The following MS4A10 variants were observed in gnomAD, a reference collection of about 807,000 sequenced individuals.
MS4A10 encodes the protein membrane spanning 4-domains A10, also known as membrane-spanning 4-domains subfamily A member 10.
MS4A10 carries 27 observed loss-of-function variants against 27.7 expected under a neutral mutation model. The ratio of observed to expected loss-of-function variants is 0.98; its 90% confidence interval spans 0.72 to 1.35. MS4A10 has a LOEUF of 1.35. MS4A10 is among the 40% of genes most tolerant of loss of function. The pLI, the probability that MS4A10 is intolerant of heterozygous loss-of-function variation, is 0.00. For synonymous variants in MS4A10, 139 were observed against 131.2 expected (o/e 1.06, Z -0.41); for missense variants, 338 against 324.7 (o/e 1.04, Z -0.32).
In MS4A10 at chr11:60,794,123, G is replaced by A. The variant is rs1301949700; in HGVS notation, c.492+20G>A. On this transcript the variant is annotated intron_variant, in intron 5 of 7. Coordinates refer to ENST00000308287, the MANE Select transcript of MS4A10 (RefSeq NM_206893.4). ...TCCACGGTGAGTACCCAGGCCTGGA[G>A]GGCCCTCTGACTTCAGCGAAGGTGC... The A allele has an allele frequency of 1.2e-6, 2 of 1,613,698 alleles. No homozygotes were observed. Among genetic ancestry groups the A allele is most frequent in the Admixed American group, 3.3e-5 (2 of 59,994 alleles).
chr11:60,791,399 A>C (rs1208688707), intron 3 of MS4A10, among the ~76,000 whole-genome samples: 2 of 152,192 alleles, frequency 1.3e-5, no homozygotes, highest in Non-Finnish European at 2.9e-5. Flanking sequence ...GGACAGCTTC[A>C]TTCTTCCCCA....
intron 1 of MS4A10, among the ~76,000 whole-genome samples, chr11:60,786,191 A>ACG (rs1319522826): frequency 0.022 from 3,148 of 140,648 alleles, 108 homozygotes; most frequent in Admixed American, 0.11. Flanking sequence ...ACACACACGC[A>ACG]CACACACACA....
At chr11:60,791,202 G>A in intron 3 of MS4A10, 109 bp downstream of exon 3, 1 of 1,437,118 alleles carries the variant, frequency 7.0e-7, no homozygotes, top group South Asian at 1.3e-5. Context: ...GCTAATAGGA[G>A]TGCGGCAGAA....
intron 1 of MS4A10, among the ~76,000 whole-genome samples, chr11:60,786,209 A>G (rs1434227158): frequency 1.3e-5 from 2 of 151,292 alleles, no homozygotes; most frequent in African/African-American, 4.9e-5. Flanking sequence ...ACACACACAC[A>G]CACCCTGAGA....
intron 6 of MS4A10, among the ~76,000 whole-genome samples, chr11:60,796,375 C>G (rs1241181880): frequency 6.6e-6 from 1 of 152,126 alleles, no homozygotes; most frequent in Admixed American, 6.5e-5. Context: ...CTCCGCCTCC[C>G]GGGTTCAAGC....
chr11:60,788,177 T>C (rs1854371800), intron 1 of MS4A10, among the ~76,000 whole-genome samples: 1 of 152,320 alleles, frequency 6.6e-6, no homozygotes, highest in Non-Finnish European at 1.5e-5. Context: ...AACCATGGTT[T>C]CTCAAACTTA....
Position 60,798,498 on chromosome 11 carries a change from C to T in MS4A10, c.706C>T (p.His236Tyr). Residue 236 changes from histidine (H) to tyrosine (Y), a missense_variant, in exon 7 of 8, where the codon CAC becomes TAC. His to Tyr is a moderately conservative substitution (Grantham distance 83). Coordinates refer to ENST00000308287, the MANE Select transcript of MS4A10 (RefSeq NM_206893.4). ...GAGTGTGATTCAAGGCGACGCACAACACAAGCAACATCAGAGGTGAAGAGG... is the reference window on the plus strand; with the variant it reads ...GAGTGTGATTCAAGGCGACGCACAATACAAGCAACATCAGAGGTGAAGAGG... ...YQSVIQGDAQHKQHQRLREVK... is the reference protein window; with the variant it reads ...YQSVIQGDAQYKQHQRLREVK... The T allele has an allele frequency of 6.2e-7, 1 of 1,613,954 alleles. No individual in the cohort carries two copies. Among genetic ancestry groups the T allele is most frequent in the South Asian group, 1.1e-5 (1 of 91,068 alleles).
chr11:60,792,880 G>A (rs1854454300), intron 4 of MS4A10, among the ~76,000 whole-genome samples: 1 of 152,124 alleles, frequency 6.6e-6, no homozygotes, highest in Non-Finnish European at 1.5e-5. Flanking sequence ...GACCTCCATG[G>A]CTGCCTTCCA....
At chr11:60,787,728 C>T (rs1378219974) in intron 1 of MS4A10, among the ~76,000 whole-genome samples, 4 of 152,124 alleles carry the variant, frequency 2.6e-5, no homozygotes, top group Non-Finnish European at 5.9e-5. Flanking sequence ...AAAAAAGATC[C>T]TATGGCCAGC....
Position 60,800,126 on chromosome 11 carries a change from G to A in MS4A10, c.*217G>A. 1 of 615,304 alleles carries A rather than the reference G, an allele frequency of 1.6e-6. No individual in the cohort carries two copies. Among genetic ancestry groups the A allele is most frequent in the South Asian group, 2.4e-5 (1 of 41,334 alleles). The allele number at this position is 615,304 out of a possible 1,614,324, so 38.1% of individuals were successfully genotyped here. ...CTCGATATCTGTGGTGGCCCAGATT[G>A]TTTTGTTTTGTTTCGCTTTGTTTTG... On this transcript the variant is annotated 3_prime_UTR_variant, in exon 8 of 8. Transcript: ENST00000308287.
chr11:60,787,276 G>T (rs1401878198), intron 1 of MS4A10, among the ~76,000 whole-genome samples: 1 of 152,146 alleles, frequency 6.6e-6, no homozygotes, highest in Non-Finnish European at 1.5e-5. Flanking sequence ...CCTGCTGCCT[G>T]CCCCCTCTCT....
At chr11:60,792,410 C>T in intron 4 of MS4A10, 89 bp downstream of exon 4, 1 of 1,015,600 alleles carries the variant, frequency 9.8e-7, no homozygotes. Flanking sequence ...ATTGTGAGGG[C>T]ACTTCTCCAG....
intron 1 of MS4A10, among the ~76,000 whole-genome samples, chr11:60,789,038 T>C (rs1445656447): frequency 6.6e-6 from 1 of 152,212 alleles, no homozygotes; most frequent in African/African-American, 2.4e-5. Flanking sequence ...CTCTTGATAA[T>C]GTCCCTTCCT....
intron 4 of MS4A10, 151 bp from the exon 5 acceptor site, chr11:60,793,821 G>T (rs1854472433): frequency 3.6e-6 from 3 of 828,930 alleles, no homozygotes; most frequent in Non-Finnish European, 5.8e-6. Context: ...AGGGGCTGAG[G>T]GGCCAGTGAC....
At position 60,794,743 on chromosome 11, in the gene MS4A10, G is replaced by A. The variant is rs865874033; in HGVS notation, c.492+640G>A. ...CAGGCTGGAGTGCAGTGGCACAATCGAGGCTCACTGTAACCTCCGCCTCCC... is the reference window on the plus strand; with the variant it reads ...CAGGCTGGAGTGCAGTGGCACAATCAAGGCTCACTGTAACCTCCGCCTCCC... On this transcript the variant is annotated intron_variant, in intron 5 of 7. Transcript: ENST00000308287. 3.3e-5 allele frequency among the ~76,000 whole-genome samples: 5 copies of A among 152,034 alleles called. No homozygotes were observed. The South Asian group carries it at 8.3e-4, about 25-fold the overall frequency.
chr11:60,792,676 G>T (rs770251866), intron 4 of MS4A10, among the ~76,000 whole-genome samples: 1 of 152,190 alleles, frequency 6.6e-6, no homozygotes, highest in African/African-American at 2.4e-5. Flanking sequence ...GCAAGCCCCA[G>T]CCTCCAGCTG....
At position 60,791,218 on chromosome 11, in the gene MS4A10, G is replaced by A. The variant is rs1462021273; in HGVS notation, c.303+125G>A. 27 of 1,272,770 alleles carry A rather than the reference G, an allele frequency of 2.1e-5. No homozygotes were observed. The South Asian group carries it at 3.5e-4, about 17-fold the overall frequency. 78.8% of individuals were successfully genotyped at this position (1,272,770 alleles called of 1,614,324 possible). On this transcript the variant is annotated intron_variant, in intron 3 of 7. Coordinates refer to ENST00000308287, the MANE Select transcript of MS4A10 (RefSeq NM_206893.4). Reference sequence around the variant, plus strand: ...CTAATAGGAGTGCGGCAGAAGCGAGGCCCTTTCTCCAGTGTTCCTAGCTCT... The same window carrying A: ...CTAATAGGAGTGCGGCAGAAGCGAGACCCTTTCTCCAGTGTTCCTAGCTCT...
At chr11:60,790,157 C>T (rs903010478) in intron 1 of MS4A10, among the ~76,000 whole-genome samples, 157 bp from the exon 2 acceptor site, 7 of 152,208 alleles carry the variant, frequency 4.6e-5, no homozygotes, top group Non-Finnish European at 1.0e-4. Context: ...CAGATTATTC[C>T]AGGTCAAATC....
intron 5 of MS4A10, 49 bp from the exon 6 acceptor site, chr11:60,795,506 A>G (rs1268207605): frequency 7.6e-7 from 1 of 1,314,668 alleles, no homozygotes; most frequent in Non-Finnish European, 1.0e-6. Context: ...TGATGCGTGC[A>G]GACACCCAGC....
Sources: gnomAD v4.1 joint callset for allele counts (sites outside exome capture counted in the v4.1 genomes callset) on GRCh38, gnomAD v4.1.1 for gene constraint, MANE v1.5 for transcripts, NCBI Gene and HGNC (gene_info 2026-07-23, HGNC 2026-07-21) for gene names.